The following CACNB4 variants were observed in gnomAD, a reference collection of about 807,000 sequenced individuals.
CACNB4 encodes calcium voltage-gated channel auxiliary subunit beta 4, also known as voltage-dependent L-type calcium channel subunit beta-4.
A neutral mutation model predicts 71.2 loss-of-function variants in CACNB4; 32 were observed. That is an observed-to-expected ratio of 0.45 (90% CI 0.34 to 0.60). The LOEUF (loss-of-function observed/expected upper bound fraction) is 0.60. Ranked by LOEUF, CACNB4 falls within the 20% of genes least tolerant of loss-of-function variation. The pLI, the probability that CACNB4 is intolerant of heterozygous loss-of-function variation, is 0.01. For missense variants in CACNB4, 464 were observed against 647.9 expected, an observed-to-expected ratio of 0.72 and a Z score of 3.08; for synonymous variants, 231 against 236.9, an observed-to-expected ratio of 0.97 and a Z score of 0.23.
At chr2:152,093,216 TCTC>T (rs1560195798) in intron 2 of CACNB4, among the ~76,000 whole-genome samples, 12 of 152,216 alleles carry the variant, frequency 7.9e-5, no homozygotes. Flanking sequence ...GGAGCTGCCT[TCTC>T]TTCTTTTTTT....
chr2:151,998,508 T>A (rs929733300), intron 2 of CACNB4, among the ~76,000 whole-genome samples: 5 of 152,112 alleles, frequency 3.3e-5, no homozygotes, highest in African/African-American at 1.2e-4. Context: ...ACCTCAGCTG[T>A]CTTATTGGTA....
At chr2:152,001,779 T>G (rs1682438232) in intron 2 of CACNB4, among the ~76,000 whole-genome samples, 1 of 149,202 alleles carries the variant, frequency 6.7e-6, no homozygotes, top group Admixed American at 6.6e-5. Flanking sequence ...GGATGATGTT[T>G]ACATGAGTCT....
chr2:151,869,499 C>T, intron 8 of CACNB4: 1 of 349,838 alleles, frequency 2.9e-6, no homozygotes. Context: ...CTTCCCTCTT[C>T]CCTCGTTAGG....
At chr2:152,027,441 T>A (rs1684038279) in intron 2 of CACNB4, among the ~76,000 whole-genome samples, 1 of 152,098 alleles carries the variant, frequency 6.6e-6, no homozygotes, top group African/African-American at 2.4e-5. Flanking sequence ...TATTCACAAG[T>A]TATGGTCAGG....
chr2:151,999,201 C>A (rs1257129254), intron 2 of CACNB4, among the ~76,000 whole-genome samples: 1 of 152,090 alleles, frequency 6.6e-6, no homozygotes, highest in East Asian at 1.9e-4. Flanking sequence ...GTGCTTCTTC[C>A]CAGCTCCAGC....
chr2:152,051,608 T>C (rs1685433400), intron 2 of CACNB4, among the ~76,000 whole-genome samples: 1 of 152,116 alleles, frequency 6.6e-6, no homozygotes, highest in Non-Finnish European at 1.5e-5. Flanking sequence ...GATGTGAAAG[T>C]ACAAGAAGAA....
intron 12 of CACNB4, among the ~76,000 whole-genome samples, chr2:151,847,496 A>G (rs1269457916): frequency 6.6e-6 from 1 of 152,220 alleles, no homozygotes; most frequent in African/African-American, 2.4e-5. Flanking sequence ...TTTCATATCA[A>G]AACTCCATTC....
chr2:152,052,121 A>G (rs1685466746), intron 2 of CACNB4, among the ~76,000 whole-genome samples: 1 of 152,230 alleles, frequency 6.6e-6, no homozygotes, highest in Non-Finnish European at 1.5e-5. Context: ...CATTTAACAC[A>G]TCCAGCCTAC....
intron 2 of CACNB4, among the ~76,000 whole-genome samples, chr2:152,063,218 T>C (rs1686116066): frequency 6.6e-6 from 1 of 152,232 alleles, no homozygotes; most frequent in Non-Finnish European, 1.5e-5. Context: ...CCAGTTTAGA[T>C]AGCCTCTAAC....
In CACNB4 at chr2:152,098,848, G is replaced by T; in HGVS notation, c.63+101C>A. 1 of 1,091,886 alleles carries T rather than the reference G, an allele frequency of 9.2e-7. No homozygotes were observed. The highest frequency in any genetic ancestry group is 1.3e-6 in the Non-Finnish European group (1 of 776,368). 67.6% of individuals were successfully genotyped at this position (1,091,886 alleles called of 1,614,324 possible). The stretch of plus-strand genomic sequence containing the variant: ...CGGGGCCGCCGACTCCCGGGACTGG[G>T]GCCCCGCACGCCCGGCACGAAGGCG... On this transcript the variant is annotated intron_variant, in intron 1 of 13. Transcript: ENST00000539935. This position sits in a 1 kb window ranked among gnomAD's most constrained non-coding sequence, Gnocchi z 5.3.
chr2:151,852,631 A>G (rs190631845), intron 12 of CACNB4: 1 of 152,184 alleles, frequency 6.6e-6, no homozygotes, highest in Non-Finnish European at 1.5e-5. Flanking sequence ...TCAAAACCCA[A>G]ATATCTGGCT....
chr2:152,067,394 G>T (rs558686700), intron 2 of CACNB4, among the ~76,000 whole-genome samples: 21 of 150,204 alleles, frequency 1.4e-4, no homozygotes, highest in Admixed American at 2.6e-4. Flanking sequence ...TGTGTGGGGG[G>T]GGGGGTGCCT....
intron 2 of CACNB4, among the ~76,000 whole-genome samples, chr2:151,921,729 G>A (rs2099859068): frequency 6.6e-6 from 1 of 152,130 alleles, no homozygotes. Context: ...TTCTGGTGGA[G>A]GGCGATTGGA....
At chr2:151,946,869 C>T (rs1412620192) in intron 2 of CACNB4, among the ~76,000 whole-genome samples, 1 of 152,164 alleles carries the variant, frequency 6.6e-6, no homozygotes, top group Non-Finnish European at 1.5e-5. Flanking sequence ...TCAATCTCTT[C>T]AATAGATCCT....
intron 8 of CACNB4, chr2:151,870,035 T>G (rs1026502131): frequency 1.8e-6 from 1 of 569,358 alleles, no homozygotes; most frequent in Admixed American, 3.3e-5. Flanking sequence ...ATGTTTTTAG[T>G]GGTCTTTTAA....
intron 12 of CACNB4, 195 bp downstream of exon 12, chr2:151,853,252 CA>C (rs1407913208): frequency 4.0e-6 from 2 of 499,186 alleles, no homozygotes; most frequent in African/African-American, 4.1e-5. Context: ...TTTCTTATTA[CA>C]AGGCAAACAC....
chr2:151,865,884 C>T (rs530932525), intron 9 of CACNB4: 43 of 151,562 alleles, frequency 2.8e-4, no homozygotes, highest in African/African-American at 1.0e-3. Flanking sequence ...CTCCCAGGTT[C>T]AAGTGATTTT....
At chr2:151,880,293 C>T (rs1458779750) in intron 4 of CACNB4, 2 of 155,504 alleles carry the variant, frequency 1.3e-5, no homozygotes, top group African/African-American at 4.8e-5. Context: ...ACCCTTTTGC[C>T]TTTCTGTTTC....
chr2:151,985,284 A>G lies in CACNB4; in HGVS notation c.148-101914T>C, dbSNP rs78696803. On this transcript the variant is annotated intron_variant, in intron 2 of 13. Transcript: ENST00000539935. ...TTTGCATTCTCTTAGCAGTAACAAC[A>G]TAAGTGTTCCCCACATTACTAAAAA... 9.6e-3 allele frequency among the ~76,000 whole-genome samples: 1,464 copies of G among 152,310 alleles called. 24 individuals are homozygous for G. The highest frequency in any genetic ancestry group is 0.033 in the African/African-American group (1,370 of 41,572).
Sources: allele counts gnomAD v4.1 joint callset (sites outside exome capture counted in the v4.1 genomes callset), GRCh38; gene constraint gnomAD v4.1.1; non-coding constraint Gnocchi (gnomAD v3.1); transcripts MANE v1.5; gene names NCBI Gene and HGNC (gene_info 2026-07-23, HGNC 2026-07-21).